Variants in ZNF208 observed in about 807,000 individuals in gnomAD.
The protein encoded by ZNF208 is zinc finger protein 208, also known as zinc finger protein 95.
In ZNF208, 10 loss-of-function variants were observed where a neutral mutation model predicts 12.1. The ratio of observed to expected loss-of-function variants is 0.83; its 90% CI spans 0.51 to 1.40. The LOEUF is 1.40. Among genes scored for constraint, ZNF208 ranks in the 40% most tolerant of loss-of-function variants. The pLI is 0.00. For missense variants in ZNF208, 1,652 were observed against 1,485.0 expected (o/e 1.11, Z -1.85); for synonymous variants, 497 against 488.4 (o/e 1.02, Z -0.23).
In ZNF208 at chr19:21,953,011, C is replaced by T. The variant is rs182107450; in HGVS notation, c.306-19774G>A. Among the ~76,000 whole-genome samples the T allele has an allele frequency of 2.8e-4, 42 of 147,764 alleles. 1 individual carries two copies. Among genetic ancestry groups the T allele is most frequent in the African/African-American group, 8.3e-4 (34 of 40,902 alleles). ...AGCTGAAAACCATGGCATGAGAACA[C>T]GATGCATGCACAAGCTTCAATAGCC... is the stretch of plus-strand genomic sequence containing the variant. On this transcript the variant is annotated intron_variant, in intron 4 of 4. Transcript: ENST00000599916.
In ZNF208 at chr19:21,941,910, A is replaced by C. The variant is rs369695211; in HGVS notation, c.306-8673T>G. Among the ~76,000 whole-genome samples the C allele has an allele frequency of 2.5e-4, 38 of 152,258 alleles. No individual in the cohort carries two copies. The East Asian group carries it at 6.4e-3, about 25-fold the overall frequency. ...ATGTTAAAGACAACGTAAAAAAAAA[A>C]CTTTATTATGTTTTAGAAAATCTAA... is the stretch of plus-strand genomic sequence containing the variant. On this transcript the variant is annotated intron_variant, in intron 4 of 4. Transcript: ENST00000599916.
intron 1 of ZNF208, among the ~76,000 whole-genome samples, chr19:22,003,811 G>A (rs980752671): frequency 1.3e-5 from 2 of 152,098 alleles, no homozygotes; most frequent in Non-Finnish European, 2.9e-5. Flanking sequence ...GTTCATTGCA[G>A]CACTATTCAC....
At chr19:21,948,610 C>T (rs1969847607) in intron 4 of ZNF208, among the ~76,000 whole-genome samples, 1 of 152,132 alleles carries the variant, frequency 6.6e-6, no homozygotes, top group South Asian at 2.1e-4. Flanking sequence ...TTCAAGTTCC[C>T]TTCTCATTGC....
chr19:21,983,908 G>A (rs549343067), intron 3 of ZNF208, among the ~76,000 whole-genome samples: 2 of 152,180 alleles, frequency 1.3e-5, no homozygotes, highest in South Asian at 2.1e-4. Context: ...TAGATAACGA[G>A]TTGATGGGTG....
At chr19:21,945,851 A>C (rs1200439017) in intron 4 of ZNF208, among the ~76,000 whole-genome samples, 1 of 151,976 alleles carries the variant, frequency 6.6e-6, no homozygotes, top group Non-Finnish European at 1.5e-5. Flanking sequence ...GTTTATGGAG[A>C]GCCCCCAACC....
Position 21,973,599 on chromosome 19 carries a change from T to C in ZNF208, c.1435A>G (p.Lys479Glu), listed in dbSNP as rs1466576066. ...TKHKVIHNGE[K>E]PYKCEECDKA... Reference sequence around the variant, plus strand: ...TCACATTCTTCACATTTGTAGGGTTTCTCTCCATTATGAATTACCTTATGT... The same window carrying C: ...TCACATTCTTCACATTTGTAGGGTTCCTCTCCATTATGAATTACCTTATGT... Residue 479 changes from lysine to glutamate, a missense_variant, in exon 4 of 4, where the codon AAA becomes GAA. Transcript: ENST00000397126. 4 of 1,613,590 alleles carry C rather than the reference T, an allele frequency of 2.5e-6. No individual in the cohort carries two copies. In the South Asian group the frequency reaches 4.4e-5, roughly 18 times the overall value.
intron 1 of ZNF208, among the ~76,000 whole-genome samples, chr19:22,007,960 C>T (rs1220951440): frequency 1.4e-5 from 2 of 140,872 alleles, no homozygotes; most frequent in South Asian, 2.3e-4. Flanking sequence ...GCCGAGATTG[C>T]ACCACTGCAG....
At chr19:21,997,118 A>G (rs1339859705) in intron 1 of ZNF208, among the ~76,000 whole-genome samples, 2 of 152,236 alleles carry the variant, frequency 1.3e-5, no homozygotes, top group African/African-American at 4.8e-5. Flanking sequence ...CACATAACAG[A>G]ACAGAAAGAA....
chr19:21,976,437 A>G (rs1490508577), intron 3 of ZNF208, among the ~76,000 whole-genome samples: 1 of 151,990 alleles, frequency 6.6e-6, no homozygotes, highest in Non-Finnish European at 1.5e-5. Context: ...ACAGAAAGAG[A>G]AAATGAGAGA....
Position 22,004,230 on chromosome 19 carries a change from A to G in ZNF208, c.3+6562T>C, listed in dbSNP as rs76088046. 7.8e-3 allele frequency among the ~76,000 whole-genome samples: 1,188 copies of G among 152,112 alleles called. 14 individuals carry two copies. The highest frequency in any genetic ancestry group is 0.026 in the African/African-American group (1,099 of 41,514). On this transcript the variant is annotated intron_variant, in intron 1 of 3. Coordinates refer to ENST00000397126, the MANE Select transcript of ZNF208 (RefSeq NM_007153.3). ...TATTAATAAACTTAATAAAAACAAA[A>G]TATGGGCTGGGTATGGTGGCTCACA...
In ZNF208 at chr19:21,987,310, A is replaced by G. The variant is rs367628600; in HGVS notation, c.132T>C (p.Gly44=). The G allele has an allele frequency of 4.6e-5, 73 of 1,603,118 alleles. No individual in the cohort carries two copies. In the East Asian group the frequency reaches 1.4e-3, roughly 32 times the overall value. ...TCAGGTCTGGCTTAAAGGCAGCAAT[A>G]CCTGTTTTATTAAAAATGAACAACA... The part of the protein sequence containing the change: ...LENYRNLVFL[G]IAAFKPDLII... The change falls in exon 3 of 4, where the codon GGT becomes GGC. Residue 44 remains glycine, a splice_region_variant and synonymous_variant. Transcript: ENST00000397126.
intron 3 of ZNF208, among the ~76,000 whole-genome samples, chr19:21,981,229 T>C (rs1970531889): frequency 6.6e-6 from 1 of 152,112 alleles, no homozygotes; most frequent in Non-Finnish European, 1.5e-5. Flanking sequence ...ATCATCCTGA[T>C]ACCAAAACCT....
intron 3 of ZNF208, among the ~76,000 whole-genome samples, chr19:21,975,744 G>A (rs907671308): frequency 7.3e-6 from 1 of 137,262 alleles, no homozygotes; most frequent in Non-Finnish European, 1.6e-5. Flanking sequence ...GAAAAATGAG[G>A]ATAAGAACAA....
intron 4 of ZNF208, among the ~76,000 whole-genome samples, chr19:21,954,512 G>A (rs1292916516): frequency 6.6e-6 from 1 of 152,126 alleles, no homozygotes; most frequent in South Asian, 2.1e-4. Context: ...ATGAATCTGG[G>A]TGCTCCTTTA....
intron 3 of ZNF208, among the ~76,000 whole-genome samples, chr19:21,980,549 C>T (rs1219867846): frequency 6.6e-6 from 1 of 152,146 alleles, no homozygotes; most frequent in African/African-American, 2.4e-5. Flanking sequence ...ACACCAGAAT[C>T]TCCGGGACAC....
In ZNF208 at chr19:21,971,474, T is replaced by C. The variant is rs932609876; in HGVS notation, c.3560A>G (p.His1187Arg). Residue 1187 changes from histidine to arginine, a missense_variant, in exon 4 of 4, where the codon CAT becomes CGT. By Grantham distance (29) the His-to-Arg change is conservative. Coordinates refer to ENST00000397126, the MANE Select transcript of ZNF208 (RefSeq NM_007153.3). Reference protein sequence around the residue: ...GFVMFSILAKHKVIHTGEKLY... With the variant: ...GFVMFSILAKRKVIHTGEKLY... ...TTTCTCTCCAGTATGAATTACCTTATGTTTTGCAAGGATTGAGAACATAAC... is the reference window on the plus strand; with the variant it reads ...TTTCTCTCCAGTATGAATTACCTTACGTTTTGCAAGGATTGAGAACATAAC... 54 of 1,611,382 alleles carry C rather than the reference T, an allele frequency of 3.4e-5. No individual in the cohort carries two copies. The highest frequency in any genetic ancestry group is 4.3e-5 in the Non-Finnish European group (51 of 1,179,914).
intron 1 of ZNF208, among the ~76,000 whole-genome samples, chr19:21,993,517 A>C (rs1970777081): frequency 6.6e-6 from 1 of 151,870 alleles, no homozygotes; most frequent in African/African-American, 2.4e-5. Context: ...TGGGCTGATA[A>C]CTCCTTAAGT....
At chr19:21,993,020 C>G (rs1174043917) in intron 1 of ZNF208, among the ~76,000 whole-genome samples, 1 of 152,190 alleles carries the variant, frequency 6.6e-6, no homozygotes, top group Non-Finnish European at 1.5e-5. Context: ...ACACCTGCAT[C>G]TTGAGAATAT....
Position 21,967,462 on chromosome 19 carries a change from T to G in ZNF208, c.*3729A>C, listed in dbSNP as rs1266044278. Reference sequence around the variant, plus strand: ...TTATTCTGATGCAATCTTGGCTCACTGCAACCTCCACCTCCCAGGCTCAAA... The same window carrying G: ...TTATTCTGATGCAATCTTGGCTCACGGCAACCTCCACCTCCCAGGCTCAAA... On this transcript the variant is annotated 3_prime_UTR_variant, in exon 4 of 4. Transcript: ENST00000397126. The G allele has an allele frequency of 6.6e-6, 1 of 152,228 alleles. No homozygotes were observed. The highest frequency in any genetic ancestry group is 2.1e-4 in the South Asian group (1 of 4,834). The allele number at this position is 152,228 out of a possible 1,614,324, so 9.4% of individuals were successfully genotyped here.
Sources: allele counts gnomAD v4.1 joint callset (sites outside exome capture counted in the v4.1 genomes callset), GRCh38; gene constraint gnomAD v4.1.1; transcripts MANE v1.5; gene names NCBI Gene and HGNC (gene_info 2026-07-23, HGNC 2026-07-21).